Variants in SYP observed in about 807,000 individuals in gnomAD.
SYP encodes synaptophysin, also known as major synaptic vesicle protein P38.
In SYP, 2 loss-of-function variants were observed where a neutral mutation model predicts 24.3. The observed-to-expected ratio is 0.08, with a 90% CI of 0.03 to 0.26. The LOEUF (loss-of-function observed/expected upper bound fraction) is 0.26. Ranked by LOEUF, SYP falls within the 10% of genes least tolerant of loss-of-function variation. The pLI, the probability that SYP is intolerant of heterozygous loss-of-function variation, is 1.00. For synonymous variants in SYP, 143 were observed against 123.2 expected, an observed-to-expected ratio of 1.16 and a Z score of -1.07; for missense variants, 216 against 266.3, an observed-to-expected ratio of 0.81 and a Z score of 1.32.
intron 6 of SYP, chrX:49,191,181 C>A: frequency 2.4e-6 from 1 of 422,450 alleles, no homozygotes. Flanking sequence ...GCCGAGTTGC[C>A]CTTCTACCTC....
intron 2 of SYP, chrX:49,198,216 G>T: frequency 4.3e-6 from 1 of 231,940 alleles, no homozygotes; most frequent in Non-Finnish European, 7.8e-6. Context: ...CTCTGCCTCT[G>T]CCTATCTGAT....
chrX:49,194,395 C>G (rs1351253965), intron 3 of SYP, 34 bp from the exon 4 acceptor site: 2 of 1,180,286 alleles, frequency 1.7e-6, no homozygotes, highest in African/African-American at 3.5e-5. Context: ...TGGCCCAGCC[C>G]CTCAGAACAC....
At position 49,194,299 on chromosome X, in the gene SYP, A is replaced by T; in HGVS notation, c.290T>A (p.Val97Asp). Residue 97 changes from valine to aspartate, a missense_variant, in exon 4 of 7, where the codon GTT becomes GAT. By Grantham distance (152) the Val-to-Asp change is radical. Transcript: ENST00000263233. Reference protein sequence around the residue: ...CRGGTTKVFLVGDYSSSAEFF... With the variant: ...CRGGTTKVFLDGDYSSSAEFF... The stretch of plus-strand genomic sequence containing the variant: ...TTCGGCTGACGAGGAGTAGTCCCCA[A>T]CTAAGAAGACCTTGGTGGTGCCCCC... The T allele has an allele frequency of 8.3e-7, 1 of 1,211,512 alleles. No homozygotes were observed.
intron 5 of SYP, among the ~76,000 whole-genome samples, chrX:49,192,280 C>T (rs1393085810): frequency 2.7e-5 from 3 of 111,872 alleles, no homozygotes; most frequent in South Asian, 3.7e-4. Context: ...CCACAACCTT[C>T]GCCTCCCGGG....
At chrX:49,193,533 T>C in intron 4 of SYP, 70 bp from the exon 5 acceptor site, 1 of 1,110,827 alleles carries the variant, frequency 9.0e-7, no homozygotes, top group East Asian at 3.1e-5. Flanking sequence ...TGGGGCCTCC[T>C]CGGATCACAG....
In SYP at chrX:49,197,733, T is replaced by C. The variant is rs781966037; in HGVS notation, c.209A>G (p.Glu70Gly). ...KTESDLSIEV[E>G]FEYPFRLHQV... is the part of the protein sequence containing the mutation. The stretch of plus-strand genomic sequence containing the variant: ...AGCACACCTGAAGGGGTACTCGAAC[T>C]CGACCTCGATGCTGAGGTCACTCTC... The change falls in exon 3 of 7, where the codon GAG becomes GGG. Residue 70 changes from glutamate to glycine, a missense_variant. By Grantham distance (98) the Glu-to-Gly change is moderately conservative. Transcript: ENST00000263233. The C allele has an allele frequency of 8.3e-7, 1 of 1,207,665 alleles. No homozygotes were observed. Among genetic ancestry groups the C allele is most frequent in the Admixed American group, 2.2e-5 (1 of 45,696 alleles).
At position 49,200,078 on chromosome X, in the gene SYP, TCGG is replaced by T. The variant is rs1326221585; in HGVS notation, c.36+70_36+72del. ...AGACCCTGGCCACCACCTCCCAGAG[TCGG>T]CTGGCCTGAGCGACCCGGCCTAGGC... is the stretch of plus-strand genomic sequence containing the variant. On this transcript the variant is annotated intron_variant, in intron 1 of 6. Transcript: ENST00000263233. 2.6e-6 allele frequency: 3 copies of T among 1,134,209 alleles called. No homozygotes were observed. In the African/African-American group the frequency reaches 5.5e-5, roughly 21 times the overall value. The allele number at this position is 1,134,209 out of a possible 1,213,427, so 93.5% of individuals were successfully genotyped here.
chrX:49,200,141 G>A lies in SYP; in HGVS notation c.36+10C>T. ...GCGGCGGGCTCTGTCCACGGTGCTGGAGCGCGTACCTGATTCACCACGTCC... is the reference window on the plus strand; with the variant it reads ...GCGGCGGGCTCTGTCCACGGTGCTGAAGCGCGTACCTGATTCACCACGTCC... On this transcript the variant is annotated intron_variant, in intron 1 of 6. Coordinates refer to ENST00000263233, the MANE Select transcript of SYP (RefSeq NM_003179.3). The A allele has an allele frequency of 8.6e-7, 1 of 1,166,112 alleles. No homozygotes were observed. The highest frequency in any genetic ancestry group is 1.8e-5 in the African/African-American group (1 of 56,278).
intron 5 of SYP, 141 bp from the exon 6 acceptor site, chrX:49,191,904 C>A: frequency 1.5e-6 from 1 of 686,332 alleles, no homozygotes; most frequent in Non-Finnish European, 2.2e-6. Flanking sequence ...AGTCCCAGTG[C>A]GAGAACGTCG....
chrX:49,197,972 CAG>C (rs1261969754), intron 2 of SYP, 133 bp from the exon 3 acceptor site: 9 of 859,597 alleles, frequency 1.0e-5, no homozygotes, highest in Non-Finnish European at 1.5e-5. Context: ...ACCCCCTAAT[CAG>C]GGCTCATCGG....
chrX:49,194,812 G>A (rs111271897), intron 3 of SYP, among the ~76,000 whole-genome samples: 2 of 105,283 alleles, frequency 1.9e-5, no homozygotes, highest in Admixed American at 1.0e-4. Context: ...GGGTTCAAGC[G>A]ATTCTCCTGC....
At position 49,191,664 on chromosome X, in the gene SYP, C is replaced by T. The variant is rs782790217; in HGVS notation, c.715G>A (p.Ala239Thr). The change falls in exon 6 of 7, where the codon GCC (alanine) becomes ACC (threonine). Residue 239 changes from alanine to threonine, a missense_variant. Coordinates refer to ENST00000263233, the MANE Select transcript of SYP (RefSeq NM_003179.3). ...AAPFLRAPPG[A>T]PEKQPAPGDA... is the part of the protein sequence containing the mutation. Reference sequence around the variant, plus strand: ...CCGGGTGCCGGTTGTTTCTCGGGGGCGCCGGGAGGCGCGCGCAGGAACGGG... The same window carrying T: ...CCGGGTGCCGGTTGTTTCTCGGGGGTGCCGGGAGGCGCGCGCAGGAACGGG... 8 of 1,201,339 alleles carry T rather than the reference C, an allele frequency of 6.7e-6. No individual in the cohort carries two copies. The highest frequency in any genetic ancestry group is 5.2e-5 in the African/African-American group (3 of 57,296).
At chrX:49,191,185 C>T (rs2065506726) in intron 6 of SYP, 1 of 426,119 alleles carries the variant, frequency 2.3e-6, no homozygotes, top group African/African-American at 2.5e-5. Context: ...AGTTGCCCTT[C>T]TACCTCCCTC....
At chrX:49,195,744 A>T (rs2065526507) in intron 3 of SYP, among the ~76,000 whole-genome samples, 1 of 111,822 alleles carries the variant, frequency 8.9e-6, no homozygotes, top group Non-Finnish European at 1.9e-5. Flanking sequence ...TTGTGTAGCA[A>T]AGGCCCTGAG....
At chrX:49,198,871 T>A in intron 2 of SYP, 97 bp downstream of exon 2, 8 of 936,549 alleles carry the variant, frequency 8.5e-6, no homozygotes, top group Non-Finnish European at 1.2e-5. Flanking sequence ...CCCGCACTCA[T>A]CCCTGGCTAC....
chrX:49,200,048 C>T, intron 1 of SYP, 103 bp downstream of exon 1: 1 of 1,041,445 alleles, frequency 9.6e-7, no homozygotes, highest in Non-Finnish European at 1.3e-6. Flanking sequence ...CGGGTCTCCG[C>T]TGCCAGACCC....
In SYP at chrX:49,194,320, C is replaced by A. The variant is rs782248614; in HGVS notation, c.269G>T (p.Gly90Val). The part of the protein sequence containing the change: ...VYFDAPTCRG[G>V]TTKVFLVGDY... ...CCCAACTAAGAAGACCTTGGTGGTG[C>A]CCCCTCGGCAGGTGGGTGCATCAAA... Residue 90 changes from glycine (G) to valine (V), a missense_variant, in exon 4 of 7, where the codon GGC becomes GTC. By Grantham distance (109) the Gly-to-Val change is moderately radical. Coordinates refer to ENST00000263233, the MANE Select transcript of SYP (RefSeq NM_003179.3). 1.7e-6 allele frequency: 2 copies of A among 1,211,121 alleles called. No homozygotes were observed. Among genetic ancestry groups the A allele is most frequent in the Non-Finnish European group, 2.2e-6 (2 of 895,288 alleles).
In SYP at chrX:49,199,002, T is replaced by C; in HGVS notation, c.68A>G (p.Lys23Arg). The change falls in exon 2 of 7, where the codon AAG becomes AGG. Residue 23 changes from lysine to arginine, a missense_variant. Transcript: ENST00000263233. ...CACCTTCACAAAGCCGAGGGGCTCC[T>C]TGACCACCCGGAACTGACCCCCAGC... is the stretch of plus-strand genomic sequence containing the variant. ...LVAGGQFRVV[K>R]EPLGFVKVLQ... The C allele has an allele frequency of 8.3e-7, 1 of 1,211,548 alleles. No homozygotes were observed. The highest frequency in any genetic ancestry group is 1.1e-6 in the Non-Finnish European group (1 of 895,413).
chrX:49,191,410 C>T, intron 6 of SYP, 23 bp downstream of exon 6: 1 of 1,204,651 alleles, frequency 8.3e-7, no homozygotes, highest in Non-Finnish European at 1.1e-6. Flanking sequence ...CCTCCTTGGC[C>T]GCACCGCTCG....
Sources: gnomAD v4.1 joint callset for allele counts (sites outside exome capture counted in the v4.1 genomes callset) on GRCh38, gnomAD v4.1.1 for gene constraint, MANE v1.5 for transcripts, NCBI Gene and HGNC (gene_info 2026-07-23, HGNC 2026-07-21) for gene names.